ZNF624: variants seen among roughly 807,000 people sequenced by gnomAD.
The protein encoded by ZNF624 is zinc finger protein 624.
ZNF624 carries 43 observed loss-of-function variants against 74.7 expected under a neutral mutation model. The ratio of observed to expected loss-of-function variants is 0.58; its 90% CI spans 0.45 to 0.74. ZNF624 has a LOEUF of 0.74. Among genes scored for constraint, ZNF624 ranks in the 30% least tolerant of loss-of-function variants. The pLI is 0.00. For synonymous variants in ZNF624, 331 were observed against 341.3 expected, an observed-to-expected ratio of 0.97 and a Z score of 0.33; for missense variants, 820 against 1,030.0, an observed-to-expected ratio of 0.80 and a Z score of 2.79.
chr17:16,617,440 T>A (rs1456324370), downstream of ZNF624: 1 of 1,612,390 alleles, frequency 6.2e-7, no homozygotes, highest in African/African-American at 1.3e-5. Context: ...AATTACACCC[T>A]CATTTGTTCC....
downstream of ZNF624, chr17:16,617,038 T>G (rs142041760): frequency 1.9e-3 from 3,047 of 1,609,358 alleles, 3 homozygotes; most frequent in Non-Finnish European, 2.3e-3. Context: ...TCCATTTTCT[T>G]TGGGGGATCC....
chr17:16,653,473 C>A (rs1909778074), intron 1 of ZNF624: 1 of 152,386 alleles, frequency 6.6e-6, no homozygotes, highest in African/African-American at 2.4e-5. Context: ...GCCCTGCGCC[C>A]GGCTCTTTTT....
chr17:16,652,915 A>G (rs1039166127), intron 1 of ZNF624, among the ~76,000 whole-genome samples: 3 of 152,176 alleles, frequency 2.0e-5, no homozygotes, highest in Admixed American at 2.0e-4. Context: ...TAGCCACCTT[A>G]TATGTTTCTA....
intron 3 of ZNF624, 56 bp downstream of exon 3, chr17:16,647,273 G>A: frequency 3.6e-6 from 5 of 1,381,510 alleles, no homozygotes; most frequent in African/African-American, 1.4e-5. Flanking sequence ...GAGAATCAGA[G>A]GCAGTAAAAT....
At chr17:16,634,830 TG>T in intron 3 of ZNF624, 74 bp from the exon 4 acceptor site, 1 of 1,438,700 alleles carries the variant, frequency 7.0e-7, no homozygotes. Flanking sequence ...CATAAAAAAC[TG>T]GGGAAGAGCC....
intron 5 of ZNF624, 43 bp from the exon 6 acceptor site, chr17:16,624,552 C>T (rs757658586): frequency 6.7e-7 from 1 of 1,487,848 alleles, no homozygotes; most frequent in Admixed American, 2.3e-5. Context: ...CTTTCCTAAG[C>T]TGGGGCAATC....
At chr17:16,626,230 C>T (rs1226900904) in intron 5 of ZNF624, among the ~76,000 whole-genome samples, 1 of 152,274 alleles carries the variant, frequency 6.6e-6, no homozygotes, top group African/African-American at 2.4e-5. Context: ...GGGTTTCAGG[C>T]GTGAGCCACT....
chr17:16,646,854 A>G (rs923827858), intron 3 of ZNF624, among the ~76,000 whole-genome samples: 1 of 152,330 alleles, frequency 6.6e-6, no homozygotes, highest in Admixed American at 6.5e-5. Flanking sequence ...GAAATGGCCT[A>G]CATTTATCTT....
At chr17:16,617,686 T>C (rs1019976486), downstream of ZNF624, 40 of 1,605,440 alleles carry the variant, frequency 2.5e-5, no homozygotes, top group Non-Finnish European at 3.1e-5. Context: ...TGCTCTACGA[T>C]CACGCGCTCG....
intron 5 of ZNF624, among the ~76,000 whole-genome samples, chr17:16,631,182 C>G (rs1317876636): frequency 6.6e-6 from 1 of 151,984 alleles, no homozygotes; most frequent in Admixed American, 6.6e-5. Context: ...AAAGATATCA[C>G]AATAGAAATT....
intron 4 of ZNF624, 114 bp from the exon 5 acceptor site, chr17:16,634,071 A>G: frequency 1.4e-6 from 1 of 723,260 alleles, no homozygotes; most frequent in Non-Finnish European, 2.3e-6. Context: ...GAAGTTCTAG[A>G]GCTGCACTGT....
At chr17:16,627,978 G>A (rs1597492090) in intron 5 of ZNF624, among the ~76,000 whole-genome samples, 2 of 152,232 alleles carry the variant, frequency 1.3e-5, no homozygotes, top group East Asian at 1.9e-4. Context: ...AGGAGACCAC[G>A]CTGGGCATAG....
chr17:16,634,593 G>T, intron 4 of ZNF624, 37 bp downstream of exon 4: 1 of 1,592,968 alleles, frequency 6.3e-7, no homozygotes. Flanking sequence ...TGGTCAAATG[G>T]GCAGATCAAT....
chr17:16,625,464 G>A (rs1597491282), intron 5 of ZNF624, among the ~76,000 whole-genome samples: 1 of 152,314 alleles, frequency 6.6e-6, no homozygotes, highest in Non-Finnish European at 1.5e-5. Context: ...TTACAGGCCT[G>A]AGCCACCATG....
rs1908967818 is a variant in ZNF624 at position 16,623,161 on chromosome 17, C to A, written c.1725G>T (p.Gln575His). The A allele has an allele frequency of 6.2e-7, 1 of 1,613,814 alleles. No individual in the cohort carries two copies. The highest frequency in any genetic ancestry group is 2.2e-5 in the East Asian group (1 of 44,852). The change falls in exon 6 of 6, where the codon CAG becomes CAT. Residue 575 changes from glutamine to histidine, a missense_variant. Physicochemically the swap from Gln to His is conservative, Grantham distance 24. Transcript: ENST00000311331. This position sits in a 1 kb window ranked among gnomAD's most constrained non-coding sequence, Gnocchi z 5.3. ...AAGGTTTCTCTTCAGTATGAATACGCTGATGTATAATTAGAGAAGAAGAAC... is the reference window on the plus strand; with the variant it reads ...AAGGTTTCTCTTCAGTATGAATACGATGATGTATAATTAGAGAAGAAGAAC... ...FMRSSSLIIH[Q>H]RIHTEEKPYL...
At chr17:16,631,674 G>GATC (rs1403776754) in intron 5 of ZNF624, 1 of 152,374 alleles carries the variant, frequency 6.6e-6, no homozygotes, top group Non-Finnish European at 1.5e-5. Flanking sequence ...AGTGAGCTAT[G>GATC]ATCACACCAC....
In ZNF624 at chr17:16,634,697, C is replaced by G. The variant is rs758564302; in HGVS notation, c.213G>C (p.Met71Ile). Residue 71 changes from methionine to isoleucine, a missense_variant, in exon 4 of 6, where the codon ATG becomes ATC. Coordinates refer to ENST00000311331, the MANE Select transcript of ZNF624 (RefSeq NM_020787.4). ...IDFTLEEWRL[M>I]DPTQRNLHKD... ...TGTGCAGGTTCCTCTGTGTAGGGTC[C>G]ATCAACCTCCACTCCTCCAATGTGA... 1.9e-6 allele frequency: 3 copies of G among 1,613,672 alleles called. No individual in the cohort carries two copies. The highest frequency in any genetic ancestry group is 1.7e-6 in the Non-Finnish European group (2 of 1,179,638).
intron 5 of ZNF624, among the ~76,000 whole-genome samples, chr17:16,629,897 A>G (rs1009234831): frequency 1.3e-5 from 2 of 152,194 alleles, no homozygotes; most frequent in African/African-American, 4.8e-5. Flanking sequence ...AAATATATTA[A>G]AAGAATGTGA....
Position 16,622,238 on chromosome 17 carries a change from A to G in ZNF624, c.*50T>C, listed in dbSNP as rs369843149. 2.2e-6 allele frequency: 3 copies of G among 1,382,528 alleles called. No homozygotes were observed. The highest frequency in any genetic ancestry group is 2.3e-5 in the East Asian group (1 of 42,864). 85.6% of individuals were successfully genotyped at this position (1,382,528 alleles called of 1,614,324 possible). A position where few individuals can be genotyped will look rare whatever the true frequency, so the allele number is the denominator to read the frequency against. On this transcript the variant is annotated 3_prime_UTR_variant, in exon 6 of 6. Transcript: ENST00000311331. ...TTCCTATATTCATAAAATATAGTTTATAAGATTCATCTTGTGGAGTTGACA... is the reference window on the plus strand; with the variant it reads ...TTCCTATATTCATAAAATATAGTTTGTAAGATTCATCTTGTGGAGTTGACA...
Sources: gnomAD v4.1 joint callset for allele counts (sites outside exome capture counted in the v4.1 genomes callset) on GRCh38, gnomAD v4.1.1 for gene constraint, Gnocchi (gnomAD v3.1) non-coding constraint, MANE v1.5 for transcripts, NCBI Gene and HGNC (gene_info 2026-07-23, HGNC 2026-07-21) for gene names.